The following UBE2E2 variants were observed in gnomAD, a reference collection of about 807,000 sequenced individuals.
UBE2E2 encodes the protein ubiquitin conjugating enzyme E2 E2, also known as ubiquitin-conjugating enzyme E2 E2.
In UBE2E2, 6 loss-of-function variants were observed where a neutral mutation model predicts 24.7. The observed-to-expected ratio is 0.24, with a 90% CI of 0.13 to 0.48. The LOEUF (loss-of-function observed/expected upper bound fraction) is 0.48, where lower values mean the gene tolerates loss of function less well. UBE2E2 is among the 20% of genes least tolerant of loss of function. UBE2E2 has a pLI of 0.99. For synonymous variants in UBE2E2, 104 were observed against 83.6 expected, an observed-to-expected ratio of 1.24 and a Z score of -1.33; for missense variants, 169 against 245.0, an observed-to-expected ratio of 0.69 and a Z score of 2.07.
chr3:23,261,491 T>C (rs772902701), intron 3 of UBE2E2, among the ~76,000 whole-genome samples: 2 of 152,174 alleles, frequency 1.3e-5, no homozygotes, highest in Non-Finnish European at 2.9e-5. Context: ...AACATTAGGA[T>C]GTACTCTCTT....
At chr3:23,354,227 A>G (rs1695861043) in intron 3 of UBE2E2, among the ~76,000 whole-genome samples, 1 of 152,100 alleles carries the variant, frequency 6.6e-6, no homozygotes, top group South Asian at 2.1e-4. Context: ...ACCTTATACA[A>G]AAATTAATTC....
intron 3 of UBE2E2, among the ~76,000 whole-genome samples, chr3:23,363,807 C>G (rs1358478328): frequency 6.6e-6 from 1 of 151,984 alleles, no homozygotes; most frequent in Non-Finnish European, 1.5e-5. Context: ...TAGTAGACAT[C>G]TACAGAACTC....
At chr3:23,487,414 G>T (rs940069036) in intron 3 of UBE2E2, among the ~76,000 whole-genome samples, 2 of 152,120 alleles carry the variant, frequency 1.3e-5, no homozygotes, top group East Asian at 3.9e-4. Flanking sequence ...AGGGTCCGGG[G>T]CTCCCACTGG....
intron 3 of UBE2E2, among the ~76,000 whole-genome samples, chr3:23,393,582 A>G (rs1697004422): frequency 6.6e-6 from 1 of 152,200 alleles, no homozygotes; most frequent in Admixed American, 6.5e-5. Flanking sequence ...TTTGAGAACC[A>G]CTGTTTTAGA....
At chr3:23,327,430 A>G (rs1262010623) in intron 3 of UBE2E2, among the ~76,000 whole-genome samples, 2 of 152,242 alleles carry the variant, frequency 1.3e-5, no homozygotes, top group Non-Finnish European at 2.9e-5. Flanking sequence ...GTAATGGCAC[A>G]TAAAGTTTAA....
At chr3:23,400,164 TTA>T (rs1265596140) in intron 3 of UBE2E2, among the ~76,000 whole-genome samples, 2 of 152,182 alleles carry the variant, frequency 1.3e-5, no homozygotes, top group Admixed American at 1.3e-4. Flanking sequence ...GATTCTTAGC[TTA>T]TAGCTTACAA....
chr3:23,380,546 C>T (rs559737847), intron 3 of UBE2E2, among the ~76,000 whole-genome samples: 1 of 152,300 alleles, frequency 6.6e-6, no homozygotes, highest in Non-Finnish European at 1.5e-5. Context: ...TTTAGCAGGC[C>T]TCCCTGCCCT....
chr3:23,222,151 T>C (rs1251910733), intron 3 of UBE2E2, among the ~76,000 whole-genome samples: 3 of 152,172 alleles, frequency 2.0e-5, no homozygotes, highest in African/African-American at 7.2e-5. Context: ...TGTGGTTCCA[T>C]CCATGTTGCT....
intron 3 of UBE2E2, among the ~76,000 whole-genome samples, chr3:23,248,564 A>C (rs1338423370): frequency 6.6e-6 from 1 of 152,242 alleles, no homozygotes; most frequent in East Asian, 1.9e-4. Flanking sequence ...GATCACATGC[A>C]TTTCACTTTA....
chr3:23,208,678 A>C lies in UBE2E2; in HGVS notation c.-8-14A>C. On this transcript the variant is annotated splice_polypyrimidine_tract_variant and intron_variant, in intron 1 of 5. Transcript: ENST00000396703. ...AGTACAGCTAAATAAATGATTTTTG[A>C]TTCTTTAATCCAGGATCTAAAATGT... 6.3e-7 allele frequency: 1 copy of C among 1,579,130 alleles called. No homozygotes were observed. Among genetic ancestry groups the C allele is most frequent in the African/African-American group, 1.4e-5 (1 of 73,432 alleles).
At chr3:23,389,039 C>T (rs1575600300) in intron 3 of UBE2E2, among the ~76,000 whole-genome samples, 1 of 150,106 alleles carries the variant, frequency 6.7e-6, no homozygotes, top group Non-Finnish European at 1.5e-5. Context: ...AAGAAAAAAA[C>T]ATAATTCAGC....
At chr3:23,260,435 C>G (rs528681170) in intron 3 of UBE2E2, among the ~76,000 whole-genome samples, 4 of 152,220 alleles carry the variant, frequency 2.6e-5, no homozygotes, top group East Asian at 1.9e-4. Context: ...GTTCTTTAAA[C>G]CAATTATGTG....
chr3:23,268,862 T>G (rs1037964280), intron 3 of UBE2E2, among the ~76,000 whole-genome samples: 1 of 151,974 alleles, frequency 6.6e-6, no homozygotes, highest in African/African-American at 2.4e-5. Flanking sequence ...GAGATATAGA[T>G]CAATGGAACA....
chr3:23,386,196 T>C (rs1696800381), intron 3 of UBE2E2, among the ~76,000 whole-genome samples: 1 of 152,190 alleles, frequency 6.6e-6, no homozygotes, highest in Admixed American at 6.5e-5. Context: ...AATTTCTTTC[T>C]CATTTTTCTG....
intron 3 of UBE2E2, among the ~76,000 whole-genome samples, chr3:23,319,950 A>C (rs936986872): frequency 2.0e-5 from 3 of 152,162 alleles, no homozygotes; most frequent in Non-Finnish European, 4.4e-5. Context: ...TGAGATCCCT[A>C]AGATCTGGCT....
intron 3 of UBE2E2, among the ~76,000 whole-genome samples, chr3:23,448,048 T>TA (rs1053347181): frequency 2.6e-5 from 4 of 152,230 alleles, no homozygotes; most frequent in Admixed American, 2.0e-4. Flanking sequence ...TTTCTGTTTT[T>TA]AAAAATTATC....
intron 3 of UBE2E2, among the ~76,000 whole-genome samples, chr3:23,374,919 CA>C (rs1575592789): frequency 6.6e-6 from 1 of 152,044 alleles, no homozygotes; most frequent in East Asian, 1.9e-4. Flanking sequence ...CAGGTGCTCA[CA>C]AATCTAATTT....
At chr3:23,290,889 TAA>T (rs71051209) in intron 3 of UBE2E2, among the ~76,000 whole-genome samples, 13 of 86,732 alleles carry the variant, frequency 1.5e-4, no homozygotes, top group South Asian at 8.3e-4. Context: ...ACTGTGTGTC[TAA>T]AAAAAAAAAA....
At chr3:23,204,530 G>C (rs1488565583) in intron 1 of UBE2E2, 1 of 219,998 alleles carries the variant, frequency 4.5e-6, no homozygotes, top group East Asian at 1.8e-4. Context: ...TATGTTTCTA[G>C]ATATGTGATA....
Sources: gnomAD v4.1 joint callset for allele counts (sites outside exome capture counted in the v4.1 genomes callset) on GRCh38, gnomAD v4.1.1 for gene constraint, MANE v1.5 for transcripts, NCBI Gene and HGNC (gene_info 2026-07-23, HGNC 2026-07-21) for gene names.